The following MCC variants were observed in gnomAD, a reference collection of about 807,000 sequenced individuals.
MCC encodes MCC regulator of Wnt signaling pathway, also known as colorectal mutant cancer protein.
A neutral mutation model predicts 116.2 loss-of-function variants in MCC; 90 were observed. The observed-to-expected ratio is 0.77, with a 90% CI of 0.65 to 0.92. MCC has a LOEUF of 0.92. Among genes scored for constraint, MCC ranks in the 40% least tolerant of loss-of-function variants. The pLI, the probability that MCC is intolerant of heterozygous loss-of-function variation, is 0.00. For synonymous variants in MCC, 578 were observed against 510.5 expected (o/e 1.13, Z -1.78); for missense variants, 1,516 against 1,312.2 (o/e 1.16, Z -2.40).
At chr5:113,270,446 T>C (rs1189360984) in intron 3 of MCC, among the ~76,000 whole-genome samples, 3 of 151,262 alleles carry the variant, frequency 2.0e-5, no homozygotes, top group Admixed American at 6.6e-5. Context: ...TTCAAGTTTT[T>C]AGGAAAAAAG....
intron 1 of MCC, among the ~76,000 whole-genome samples, chr5:113,414,032 T>C (rs955731536): frequency 3.9e-5 from 6 of 152,052 alleles, no homozygotes; most frequent in African/African-American, 7.2e-5. Context: ...GTTATTTACC[T>C]AGTAGTCATT....
chr5:113,488,383 C>T lies in MCC; in HGVS notation c.32G>A (p.Gly11Glu), dbSNP rs1221241871. The T allele has an allele frequency of 2.8e-6, 4 of 1,431,004 alleles. No homozygotes were observed. The highest frequency in any genetic ancestry group is 3.6e-6 in the Non-Finnish European group (4 of 1,103,506). The allele number at this position is 1,431,004 out of a possible 1,614,324, so 88.6% of individuals were successfully genotyped here. MMAAAAAAAA[G>E]SSSSGGGGGG... ...GCCGCCGCCGCCGCTGCTGGAGCTCCCCGCAGCCGCTGCCGCCGCGGCCGC... is the reference window on the plus strand; with the variant it reads ...GCCGCCGCCGCCGCTGCTGGAGCTCTCCGCAGCCGCTGCCGCCGCGGCCGC... The change falls in exon 1 of 19, where the codon GGG (glycine) becomes GAG (glutamate). Residue 11 changes from glycine (G) to glutamate (E), a missense_variant. Transcript: ENST00000408903.
chr5:113,080,143 T>C (rs1754748981), intron 11 of MCC, among the ~76,000 whole-genome samples: 1 of 152,144 alleles, frequency 6.6e-6, no homozygotes, highest in African/African-American at 2.4e-5. Flanking sequence ...CATTAAAAAG[T>C]CAGGAAACAA....
chr5:113,034,452 T>G (rs1751183728), intron 17 of MCC, among the ~76,000 whole-genome samples: 1 of 152,156 alleles, frequency 6.6e-6, no homozygotes. Context: ...CCAGCAGCGG[T>G]ACTCTGTGAT....
chr5:113,075,551 T>C (rs966228152), intron 11 of MCC, among the ~76,000 whole-genome samples: 7 of 152,170 alleles, frequency 4.6e-5, no homozygotes, highest in South Asian at 2.1e-4. Flanking sequence ...AGGATTGTAA[T>C]TGCACCAATC....
rs1308801110 is a variant in MCC at position 113,475,957 on chromosome 5, T to C, written c.170+12288A>G. On this transcript the variant is annotated intron_variant, in intron 1 of 18. Transcript: ENST00000408903. Reference sequence around the variant, plus strand: ...TGCAAAGATTACATAAAATAATGCATGGTCTGATTGTAAACTATAAAGGTT... The same window carrying C: ...TGCAAAGATTACATAAAATAATGCACGGTCTGATTGTAAACTATAAAGGTT... Among the ~76,000 whole-genome samples the C allele has an allele frequency of 2.0e-4, 31 of 152,234 alleles. 1 individual carries two copies. The highest frequency in any genetic ancestry group is 4.0e-4 in the Non-Finnish European group (27 of 68,036).
intron 2 of MCC, among the ~76,000 whole-genome samples, chr5:113,342,901 C>T (rs182069508): frequency 2.7e-4 from 41 of 152,264 alleles, no homozygotes; most frequent in East Asian, 1.2e-3. Context: ...ATGCACAGGA[C>T]GTGTACTGGG....
intron 17 of MCC, among the ~76,000 whole-genome samples, chr5:113,039,965 A>G (rs1004234291): frequency 6.6e-6 from 1 of 152,022 alleles, no homozygotes; most frequent in African/African-American, 2.4e-5. Flanking sequence ...GGTGAGAGAC[A>G]GATCTGAGAT....
intron 3 of MCC, among the ~76,000 whole-genome samples, chr5:113,223,784 T>C (rs780453772): frequency 5.3e-5 from 8 of 152,332 alleles, no homozygotes; most frequent in East Asian, 3.9e-4. Flanking sequence ...CATTTGTTCA[T>C]AGGTTTGTTT....
At chr5:113,211,280 T>C (rs577449483) in intron 3 of MCC, among the ~76,000 whole-genome samples, 26 of 152,214 alleles carry the variant, frequency 1.7e-4, no homozygotes, top group Non-Finnish European at 3.5e-4. Flanking sequence ...CCCTACCAGA[T>C]GCTGAATTTG....
intron 8 of MCC, among the ~76,000 whole-genome samples, chr5:113,086,654 G>C (rs1283142959): frequency 6.6e-6 from 1 of 152,182 alleles, no homozygotes; most frequent in African/African-American, 2.4e-5. Context: ...TAGCTGAAGA[G>C]AGTTGCTAGA....
intron 9 of MCC, among the ~76,000 whole-genome samples, 172 bp from the exon 10 acceptor site, chr5:113,084,362 A>G (rs982089100): frequency 8.5e-5 from 13 of 152,202 alleles, no homozygotes; most frequent in African/African-American, 3.1e-4. Context: ...GGGCCTTTCA[A>G]CTTCAGCACT....
At chr5:113,244,993 T>G (rs1420256452) in intron 3 of MCC, among the ~76,000 whole-genome samples, 1 of 152,198 alleles carries the variant, frequency 6.6e-6, no homozygotes, top group African/African-American at 2.4e-5. Flanking sequence ...TCCACAGAAG[T>G]GCCATATTAA....
intron 3 of MCC, among the ~76,000 whole-genome samples, chr5:113,217,640 G>C (rs1763375462): frequency 6.7e-6 from 1 of 148,698 alleles, no homozygotes; most frequent in Admixed American, 6.6e-5. Flanking sequence ...GAATCAAGGA[G>C]GAAAGTGGGG....
intron 6 of MCC, among the ~76,000 whole-genome samples, chr5:113,112,232 C>T (rs1392260630): frequency 6.6e-6 from 1 of 152,150 alleles, no homozygotes; most frequent in Non-Finnish European, 1.5e-5. Context: ...CTTTATTAAG[C>T]TTTGCCTTTG....
intron 2 of MCC, among the ~76,000 whole-genome samples, chr5:113,344,998 T>C (rs1768098869): frequency 6.6e-6 from 1 of 152,138 alleles, no homozygotes; most frequent in African/African-American, 2.4e-5. Flanking sequence ...TTGGACAGCA[T>C]TTCTGGACCT....
At chr5:113,456,781 A>C (rs1185028033) in intron 1 of MCC, among the ~76,000 whole-genome samples, 1 of 127,612 alleles carries the variant, frequency 7.8e-6, no homozygotes, top group Non-Finnish European at 1.6e-5. Flanking sequence ...AATGAGCACT[A>C]CTTTTTTTTT....
intron 1 of MCC, among the ~76,000 whole-genome samples, chr5:113,390,820 G>A (rs533271595): frequency 6.6e-6 from 1 of 152,262 alleles, no homozygotes; most frequent in Admixed American, 6.5e-5. Context: ...TCAACTAACA[G>A]AGACCCCTGG....
chr5:113,050,807 T>G (rs1212365851), intron 15 of MCC, among the ~76,000 whole-genome samples: 1 of 152,228 alleles, frequency 6.6e-6, no homozygotes, highest in Non-Finnish European at 1.5e-5. Flanking sequence ...GGGCAGGTGC[T>G]GGCCAGCAAG....
Sources: allele counts gnomAD v4.1 joint callset (sites outside exome capture counted in the v4.1 genomes callset), GRCh38; gene constraint gnomAD v4.1.1; transcripts MANE v1.5; gene names NCBI Gene and HGNC (gene_info 2026-07-23, HGNC 2026-07-21).